Variants in AKR1C3 observed in about 807,000 individuals in gnomAD.
The protein encoded by AKR1C3 is aldo-keto reductase family 1 member C3.
AKR1C3 carries 48 observed loss-of-function variants against 43.6 expected under a neutral mutation model. The ratio of observed to expected loss-of-function variants is 1.10; its 90% confidence interval spans 0.87 to 1.40. The LOEUF is 1.40. Ranked by LOEUF, AKR1C3 falls within the 40% of genes most tolerant of loss-of-function variation. The pLI is 0.00. For missense variants in AKR1C3, 482 were observed against 391.2 expected, an observed-to-expected ratio of 1.23 and a Z score of -1.96; for synonymous variants, 162 against 139.6, an observed-to-expected ratio of 1.16 and a Z score of -1.13.
At chr10:5,057,325 C>T (rs183094734) in intron 1 of AKR1C3, among the ~76,000 whole-genome samples, 8 of 152,316 alleles carry the variant, frequency 5.3e-5, no homozygotes, top group Non-Finnish European at 8.8e-5. Context: ...AGGCTGCAGC[C>T]TTTCTCTGAT....
chr10:5,059,309 A>T (rs1838329388), intron 1 of AKR1C3, among the ~76,000 whole-genome samples: 1 of 152,186 alleles, frequency 6.6e-6, no homozygotes, highest in African/African-American at 2.4e-5. Flanking sequence ...CTAACCTTGG[A>T]GAAGAGAGTC....
rs1233184031 is a variant in AKR1C3 at position 5,061,592 on chromosome 10, G to A, written c.84+12697G>A. ...TGGCAACATTTTGGGATAATTATAT[G>A]TTGTGCATAAAAGGAAACTTTCTCC... On this transcript the variant is annotated intron_variant, in intron 1 of 8. Transcript: ENST00000439082. Among the ~76,000 whole-genome samples the A allele has an allele frequency of 4.6e-5, 7 of 152,312 alleles. No individual in the cohort carries two copies. In the East Asian group the frequency reaches 5.8e-4, roughly 13 times the overall value.
chr10:5,101,844 C>T (rs1554786046), intron 5 of AKR1C3, among the ~76,000 whole-genome samples: 1 of 152,148 alleles, frequency 6.6e-6, no homozygotes, highest in South Asian at 2.1e-4. Flanking sequence ...GTTACATCTC[C>T]TTCTAGTTGT....
At chr10:5,055,314 C>T (rs1274086818) in intron 1 of AKR1C3, among the ~76,000 whole-genome samples, 2 of 152,218 alleles carry the variant, frequency 1.3e-5, no homozygotes, top group Admixed American at 1.3e-4. Context: ...CAGTCATGCT[C>T]AATTGGTTCC....
rs577074946 is a variant in AKR1C3 at position 5,051,972 on chromosome 10, G to A, written c.84+3077G>A. On this transcript the variant is annotated intron_variant, in intron 1 of 8. Coordinates refer to the AKR1C3 transcript ENST00000439082. The stretch of plus-strand genomic sequence containing the variant: ...GATGATTTGCTTATAAGTTAGGATC[G>A]GGGGTGGTGTGTCTGGAATTGGTGG... 7.0e-4 allele frequency among the ~76,000 whole-genome samples: 107 copies of A among 152,252 alleles called. 2 individuals carry two copies. The South Asian group carries it at 0.02, about 29-fold the overall frequency.
intron 1 of AKR1C3, among the ~76,000 whole-genome samples, chr10:5,061,572 A>G (rs1350459447): frequency 2.0e-5 from 3 of 152,206 alleles, no homozygotes; most frequent in African/African-American, 7.2e-5. Flanking sequence ...CGCATTGGCA[A>G]CATTTTGGGA....
At chr10:5,087,073 A>C (rs1838982883) in intron 1 of AKR1C3, among the ~76,000 whole-genome samples, 2 of 152,062 alleles carry the variant, frequency 1.3e-5, no homozygotes, top group African/African-American at 2.4e-5. Flanking sequence ...TTACATTTAA[A>C]GTTAGTATTG....
At chr10:5,066,193 G>A (rs1409186557) in intron 1 of AKR1C3, among the ~76,000 whole-genome samples, 1 of 152,170 alleles carries the variant, frequency 6.6e-6, no homozygotes, top group Non-Finnish European at 1.5e-5. Flanking sequence ...TGCTTGTGGT[G>A]TGTTCTAGGA....
intron 4 of AKR1C3, 76 bp downstream of exon 4, chr10:5,098,955 A>T: frequency 8.4e-7 from 1 of 1,197,368 alleles, no homozygotes; most frequent in Non-Finnish European, 1.2e-6. Context: ...AATAGGAAAG[A>T]ATGGAATATG....
chr10:5,090,407 C>T (rs948434858), upstream of AKR1C3, among the ~76,000 whole-genome samples: 16 of 152,044 alleles, frequency 1.1e-4, no homozygotes, highest in Admixed American at 6.6e-5. Flanking sequence ...TGTCTTGGGC[C>T]TTGTGACTCT....
intron 1 of AKR1C3, among the ~76,000 whole-genome samples, chr10:5,063,776 A>AAAAAAAAAAAAAAAAAAAAAAAAAAAAG (rs1838433069): frequency 6.9e-6 from 1 of 145,618 alleles, no homozygotes; most frequent in Non-Finnish European, 1.5e-5. Flanking sequence ...AAAAAAAAAA[A>AAAAAAAAAAAAAAAAAAAAAAAAAAAAG]AAAAAAAAAA....
intron 7 of AKR1C3, 122 bp from the exon 8 acceptor site, chr10:5,105,473 C>G (rs1425756629): frequency 2.8e-6 from 2 of 704,638 alleles, no homozygotes; most frequent in East Asian, 2.8e-5. Context: ...TTAGAGCTGA[C>G]TTCTATAACT....
At chr10:5,099,738 C>T in intron 5 of AKR1C3, 1 of 413,708 alleles carries the variant, frequency 2.4e-6, no homozygotes, top group South Asian at 3.0e-5. Flanking sequence ...GAAAGGTGGA[C>T]TTACCTCTAA....
At chr10:5,055,535 C>T (rs992552329) in intron 1 of AKR1C3, among the ~76,000 whole-genome samples, 8 of 152,204 alleles carry the variant, frequency 5.3e-5, no homozygotes, top group African/African-American at 9.7e-5. Context: ...GACACTAAGA[C>T]GTCCACTGCT....
intron 2 of AKR1C3, among the ~76,000 whole-genome samples, 191 bp from the exon 3 acceptor site, chr10:5,097,243 T>TAG (rs1839227989): frequency 6.6e-6 from 1 of 152,152 alleles, no homozygotes; most frequent in Non-Finnish European, 1.5e-5. Flanking sequence ...GTACAAACTA[T>TAG]ACATCCAACG....
chr10:5,096,656 G>A (rs375571338), intron 2 of AKR1C3, 79 bp downstream of exon 2: 4 of 1,468,144 alleles, frequency 2.7e-6, no homozygotes, highest in Admixed American at 4.5e-5. Flanking sequence ...GACTGGATGA[G>A]TAGTTGTGGG....
At chr10:5,068,801 T>C (rs2211628) in intron 1 of AKR1C3, among the ~76,000 whole-genome samples, 80,124 of 152,036 alleles carry the variant, frequency 0.53, 21,551 homozygotes, top group East Asian at 0.79. Context: ...CTCTTTCATC[T>C]CAGAAGCCCC....
chr10:5,058,753 C>A (rs1554779897), intron 1 of AKR1C3, among the ~76,000 whole-genome samples: 1 of 152,128 alleles, frequency 6.6e-6, no homozygotes, highest in East Asian at 1.9e-4. Flanking sequence ...CATGGAGGAC[C>A]AAGGAAGGTT....
At position 5,094,520 on chromosome 10, in the gene AKR1C3, C is replaced by T. The variant is rs1407738908; in HGVS notation, c.76C>T (p.Pro26Ser). 2 of 1,612,686 alleles carry T rather than the reference C, an allele frequency of 1.2e-6. No homozygotes were observed. Among genetic ancestry groups the T allele is most frequent in the Admixed American group, 1.7e-5 (1 of 59,976 alleles). Residue 26 changes from proline (P) to serine (S), a missense_variant, in exon 1 of 9, where the codon CCT (proline) becomes TCT (serine). Coordinates refer to ENST00000380554, the MANE Select transcript of AKR1C3 (RefSeq NM_003739.6). ...TGTATTGGGATTTGGCACCTATGCA[C>T]CTCCAGAGGTAAGAATAATTCCTTT... The part of the protein sequence containing the change: ...MPVLGFGTYA[P>S]PEVPRSKALE...
Sources: gnomAD v4.1 joint callset for allele counts (sites outside exome capture counted in the v4.1 genomes callset) on GRCh38, gnomAD v4.1.1 for gene constraint, MANE v1.5 for transcripts, NCBI Gene and HGNC (gene_info 2026-07-23, HGNC 2026-07-21) for gene names.